The following TPTE2 variants were observed in gnomAD, a reference collection of about 807,000 sequenced individuals.
TPTE2 encodes the protein phosphatidylinositol 3,4,5-trisphosphate 3-phosphatase TPTE2.
TPTE2 carries 53 observed loss-of-function variants against 78.6 expected under a neutral mutation model. The observed-to-expected ratio is 0.67, with a 90% CI of 0.54 to 0.85. The LOEUF is 0.85. TPTE2 is among the 40% of genes least tolerant of loss of function. The pLI is 0.00. For synonymous variants in TPTE2, 175 were observed against 206.2 expected, an observed-to-expected ratio of 0.85 and a Z score of 1.30; for missense variants, 461 against 623.0, an observed-to-expected ratio of 0.74 and a Z score of 2.77.
the TPTE2 span, chr13:19,561,041 G>A: frequency 1.0e-3 from 1,644 of 1,575,004 alleles, 5 homozygotes; most frequent in Admixed American, 1.7e-3. Context: ...CTTGGACAGG[G>A]AGCTGAGCAC....
At chr13:19,450,020 TTATC>T (rs1229641334) in intron 13 of TPTE2, 52 bp downstream of exon 16, 8 of 1,588,544 alleles carry the variant, frequency 5.0e-6, no homozygotes, top group South Asian at 1.1e-5. Context: ...TTCTTCTACT[TTATC>T]TATATTTACA....
intron 2 of TPTE2, 92 bp downstream of exon 5, chr13:19,493,356 G>GATGT (rs1881121014): frequency 9.2e-7 from 1 of 1,091,934 alleles, no homozygotes; most frequent in African/African-American, 1.7e-5. Context: ...TGGATGGATG[G>GATGT]ATGGATATAT....
intron 3 of TPTE2, among the ~76,000 whole-genome samples, chr13:19,491,910 T>C (rs1460209228): frequency 3.9e-5 from 6 of 152,174 alleles, no homozygotes; most frequent in African/African-American, 1.4e-4. Context: ...AATTTATTTA[T>C]TGGCTTAAAA....
At chr13:19,538,022 G>A (rs1237678678), upstream of TPTE2, among the ~76,000 whole-genome samples, 2 of 152,168 alleles carry the variant, frequency 1.3e-5, no homozygotes, top group Non-Finnish European at 2.9e-5. Flanking sequence ...TATATTTTCT[G>A]AATACTAACC....
chr13:19,509,127 T>G (rs962612999), intron 1 of TPTE2, among the ~76,000 whole-genome samples: 1 of 152,134 alleles, frequency 6.6e-6, no homozygotes, highest in Admixed American at 6.5e-5. Flanking sequence ...TAGGATACAA[T>G]GAAGCAATAT....
At chr13:19,424,713 A>G (rs1451016807) in intron 19 of TPTE2, among the ~76,000 whole-genome samples, 4 of 152,352 alleles carry the variant, frequency 2.6e-5, no homozygotes, top group Non-Finnish European at 5.9e-5. Flanking sequence ...TTTTGAACTC[A>G]TAACACAGTC....
chr13:19,482,640 A>G (rs549252471), intron 3 of TPTE2, 93 bp from the exon 7 acceptor site: 1 of 1,496,552 alleles, frequency 6.7e-7, no homozygotes, highest in African/African-American at 1.4e-5. Context: ...CAAGAATCCC[A>G]TGAATCTAAA....
chr13:19,469,458 G>C (rs1879477691), intron 6 of TPTE2, among the ~76,000 whole-genome samples: 1 of 152,160 alleles, frequency 6.6e-6, no homozygotes, highest in African/African-American at 2.4e-5. Flanking sequence ...CAGGTAATGT[G>C]ATTCCTCCAG....
the TPTE2 span, chr13:19,561,336 T>A: frequency 1.6e-6 from 1 of 622,268 alleles, no homozygotes; most frequent in Non-Finnish European, 2.6e-6. Flanking sequence ...CCGCTCCACC[T>A]CCTCGCGACC....
At chr13:19,429,085 A>G (rs1439988126) in intron 17 of TPTE2, among the ~76,000 whole-genome samples, 2 of 152,222 alleles carry the variant, frequency 1.3e-5, no homozygotes, top group African/African-American at 4.8e-5. Flanking sequence ...TTTTACAGAT[A>G]AAGATGTTGA....
intron 10 of TPTE2, among the ~76,000 whole-genome samples, chr13:19,456,441 G>A (rs1032362467): frequency 6.6e-6 from 1 of 152,174 alleles, no homozygotes; most frequent in African/African-American, 2.4e-5. Flanking sequence ...TGTGGTGACA[G>A]AGCAAGGCCC....
At chr13:19,546,768 G>C in the TPTE2 span, among the ~76,000 whole-genome samples, 1 of 151,346 alleles carries the variant, frequency 6.6e-6, no homozygotes, top group Non-Finnish European at 1.5e-5. Context: ...GGGACTACAG[G>C]CATGAGCCAC....
At chr13:19,550,224 A>T in the TPTE2 span, among the ~76,000 whole-genome samples, 2 of 152,134 alleles carry the variant, frequency 1.3e-5, no homozygotes, top group Non-Finnish European at 1.5e-5. Context: ...TAAAAAGAAG[A>T]CATAAATTAA....
chr13:19,491,245 G>A (rs955688140), intron 3 of TPTE2, among the ~76,000 whole-genome samples: 2 of 152,118 alleles, frequency 1.3e-5, no homozygotes, highest in Non-Finnish European at 2.9e-5. Flanking sequence ...GTCCCTTCAT[G>A]TGTTACTGTT....
chr13:19,452,985 T>TA (rs1878278899), intron 10 of TPTE2, among the ~76,000 whole-genome samples: 1 of 23,006 alleles, frequency 4.3e-5, no homozygotes. Context: ...TATTTTATTT[T>TA]ATTTATTTTA....
At chr13:19,560,689 G>C in the TPTE2 span, 1 of 1,512,346 alleles carries the variant, frequency 6.6e-7, no homozygotes, top group Non-Finnish European at 9.1e-7. Context: ...CATTAGATGA[G>C]ACACCAGTGC....
chr13:19,425,702 C>G (rs1472802552), intron 18 of TPTE2: 2 of 514,552 alleles, frequency 3.9e-6, no homozygotes, highest in Non-Finnish European at 3.9e-6. Context: ...CAGGTAGCAC[C>G]TTACATCCCA....
chr13:19,546,493 T>C, the TPTE2 span, among the ~76,000 whole-genome samples: 1 of 136,820 alleles, frequency 7.3e-6, no homozygotes, highest in Non-Finnish European at 1.6e-5. Flanking sequence ...CTTTTTTTTT[T>C]TTTTTTTTTT....
the TPTE2 span, among the ~76,000 whole-genome samples, chr13:19,554,067 T>G: frequency 6.6e-6 from 1 of 152,214 alleles, no homozygotes; most frequent in Non-Finnish European, 1.5e-5. Context: ...TTCTGTGTGA[T>G]CTCACTTTTT....
Sources: allele counts gnomAD v4.1 joint callset (sites outside exome capture counted in the v4.1 genomes callset), GRCh38; gene constraint gnomAD v4.1.1; transcripts MANE v1.5; gene names NCBI Gene and HGNC (gene_info 2026-07-23, HGNC 2026-07-21).